The following FSHR variants were observed in gnomAD, a reference collection of about 807,000 sequenced individuals.
The protein encoded by FSHR is follicle stimulating hormone receptor.
In FSHR, 46 loss-of-function variants were observed where a neutral mutation model predicts 52.1. The ratio of observed to expected loss-of-function variants is 0.88; its 90% CI spans 0.70 to 1.13. The LOEUF (loss-of-function observed/expected upper bound fraction) is 1.13. FSHR is among the 50% of genes most tolerant of loss of function. The probability of loss-of-function intolerance (pLI) is 0.00; values close to 1 mark genes in which losing one functional copy is unlikely to be tolerated. For synonymous variants in FSHR, 399 were observed against 309.6 expected, an observed-to-expected ratio of 1.29 and a Z score of -3.03; for missense variants, 964 against 834.6, an observed-to-expected ratio of 1.16 and a Z score of -1.91.
intron 4 of FSHR, chr2:48,997,346 A>G: frequency 1.0e-6 from 1 of 985,208 alleles, no homozygotes; most frequent in Non-Finnish European, 1.2e-6. Context: ...ATGGAAACCA[A>G]ACTCCTTAGT....
intron 2 of FSHR, among the ~76,000 whole-genome samples, chr2:49,035,043 C>T (rs73928396): frequency 0.031 from 4,776 of 152,314 alleles, 249 homozygotes; most frequent in African/African-American, 0.11. Flanking sequence ...TCTGCTTACA[C>T]AGGTGGCTAC....
At chr2:49,150,419 G>A (rs1673020660) in intron 1 of FSHR, among the ~76,000 whole-genome samples, 1 of 151,986 alleles carries the variant, frequency 6.6e-6, no homozygotes, top group East Asian at 1.9e-4. Context: ...AGCCCTCTGT[G>A]GTAGATAATT....
chr2:49,028,273 C>T (rs1196976010), intron 2 of FSHR, among the ~76,000 whole-genome samples: 1 of 152,154 alleles, frequency 6.6e-6, no homozygotes, highest in East Asian at 1.9e-4. Context: ...GTGTAGCAGG[C>T]ACAGTGCTAA....
intron 2 of FSHR, among the ~76,000 whole-genome samples, chr2:49,054,037 A>G (rs571777448): frequency 6.6e-6 from 1 of 152,332 alleles, no homozygotes; most frequent in South Asian, 2.1e-4. Flanking sequence ...GCATCTCCCC[A>G]GATTAGTCTA....
intron 2 of FSHR, among the ~76,000 whole-genome samples, chr2:49,021,575 G>C (rs1355841210): frequency 6.7e-6 from 1 of 150,090 alleles, no homozygotes; most frequent in East Asian, 2.0e-4. Context: ...CCCTGGGGGA[G>C]GGGAAGTGTG....
chr2:49,109,014 AGAG>A (rs1408320212), intron 1 of FSHR, among the ~76,000 whole-genome samples: 1 of 152,188 alleles, frequency 6.6e-6, no homozygotes, highest in Non-Finnish European at 1.5e-5. Context: ...TTAAAATGTC[AGAG>A]GAGATGTCTT....
At chr2:49,008,857 C>T (rs1331084860) in intron 4 of FSHR, among the ~76,000 whole-genome samples, 1 of 150,200 alleles carries the variant, frequency 6.7e-6, no homozygotes, top group Admixed American at 6.7e-5. Context: ...GTCCTTCGCC[C>T]ACTTTTTGAT....
intron 6 of FSHR, among the ~76,000 whole-genome samples, chr2:48,987,540 C>T (rs1257777298): frequency 6.6e-6 from 1 of 152,046 alleles, no homozygotes; most frequent in African/African-American, 2.4e-5. Flanking sequence ...AAGGCAGGTG[C>T]TCTTCCTGGT....
chr2:49,002,493 G>T (rs956244019), intron 4 of FSHR, among the ~76,000 whole-genome samples: 1 of 152,056 alleles, frequency 6.6e-6, no homozygotes, highest in Non-Finnish European at 1.5e-5. Context: ...GGCTGGGGAG[G>T]CCTCAGGAAA....
intron 2 of FSHR, among the ~76,000 whole-genome samples, chr2:49,065,509 C>T (rs1172982787): frequency 1.3e-5 from 2 of 151,930 alleles, no homozygotes; most frequent in African/African-American, 2.4e-5. Context: ...GGAACCTGGG[C>T]AGATGGTGAC....
At chr2:49,010,830 T>G (rs1437124910) in intron 4 of FSHR, among the ~76,000 whole-genome samples, 2 of 152,204 alleles carry the variant, frequency 1.3e-5, no homozygotes, top group Non-Finnish European at 2.9e-5. Flanking sequence ...GTGTTTGTAG[T>G]ATTCTCTCAT....
intron 1 of FSHR, among the ~76,000 whole-genome samples, chr2:49,129,104 G>A (rs1313640400): frequency 6.6e-6 from 1 of 150,928 alleles, no homozygotes; most frequent in East Asian, 2.0e-4. Context: ...GTCCCAAATG[G>A]TACTTTTGTT....
In FSHR at chr2:48,963,300, G is replaced by T. The variant is rs1287330758; in HGVS notation, c.1521C>A (p.Gly507=). Residue 507 remains glycine (G), a synonymous_variant, in exon 10 of 10, where the codon GGC becomes GGA. Transcript: ENST00000406846. ...AFAAALFPIF[G]ISSYMKVSIC... ...TGCTCACCTTCATGTAGCTGCTGAT[G>T]CCAAAGATGGGAAAGAGGGCAGCTG... is the stretch of plus-strand genomic sequence containing the variant. 2 of 1,614,062 alleles carry T rather than the reference G, an allele frequency of 1.2e-6. No homozygotes were observed. The highest frequency in any genetic ancestry group is 1.7e-6 in the Non-Finnish European group (2 of 1,179,992).
chr2:49,017,426 T>C, intron 4 of FSHR, 63 bp downstream of exon 4: 1 of 1,293,288 alleles, frequency 7.7e-7, no homozygotes, highest in Non-Finnish European at 1.1e-6. Flanking sequence ...AAGTAGGCCT[T>C]TTAGTAAAAT....
intron 5 of FSHR, among the ~76,000 whole-genome samples, chr2:48,990,204 C>T (rs1675705373): frequency 6.6e-6 from 1 of 151,840 alleles, no homozygotes; most frequent in Non-Finnish European, 1.5e-5. Context: ...GTGCCCAGGG[C>T]AGCATAGCAA....
At chr2:48,966,241 T>C (rs1674472659) in intron 9 of FSHR, among the ~76,000 whole-genome samples, 1 of 152,182 alleles carries the variant, frequency 6.6e-6, no homozygotes, top group African/African-American at 2.4e-5. Context: ...ACTTATGGAA[T>C]TCTTGAGGTC....
intron 1 of FSHR, among the ~76,000 whole-genome samples, chr2:49,150,227 G>C (rs1014487575): frequency 1.3e-5 from 2 of 152,006 alleles, no homozygotes; most frequent in Admixed American, 1.3e-4. Context: ...AATATGGACA[G>C]CGTTAAGGGA....
At chr2:49,086,274 A>T (rs980146903) in intron 1 of FSHR, among the ~76,000 whole-genome samples, 1 of 152,214 alleles carries the variant, frequency 6.6e-6, no homozygotes, top group African/African-American at 2.4e-5. Flanking sequence ...AGCACTTTAC[A>T]TTGTGAGAGT....
chr2:49,090,971 C>G (rs1203979437), intron 1 of FSHR, among the ~76,000 whole-genome samples: 1 of 150,028 alleles, frequency 6.7e-6, no homozygotes, highest in African/African-American at 2.5e-5. Flanking sequence ...TTCTTGTTTT[C>G]TTTCTGGAGT....
Sources: gnomAD v4.1 joint callset for allele counts (sites outside exome capture counted in the v4.1 genomes callset) on GRCh38, gnomAD v4.1.1 for gene constraint, MANE v1.5 for transcripts, NCBI Gene and HGNC (gene_info 2026-07-23, HGNC 2026-07-21) for gene names.